GRAMD4: variants seen among roughly 807,000 people sequenced by gnomAD.
The protein encoded by GRAMD4 is GRAM domain-containing protein 4.
In GRAMD4, 25 loss-of-function variants were observed where a neutral mutation model predicts 83.9. The ratio of observed to expected loss-of-function variants is 0.30; its 90% CI spans 0.22 to 0.42. The LOEUF is 0.42. Among genes scored for constraint, GRAMD4 ranks in the 10% least tolerant of loss-of-function variants. The pLI, the probability that GRAMD4 is intolerant of heterozygous loss-of-function variation, is 1.00. For synonymous variants in GRAMD4, 336 were observed against 320.9 expected (o/e 1.05, Z -0.50); for missense variants, 593 against 788.7 (o/e 0.75, Z 2.97).
chr22:46,600,881 C>T (rs571180258), intron 1 of GRAMD4, among the ~76,000 whole-genome samples: 1 of 152,314 alleles, frequency 6.6e-6, no homozygotes, highest in East Asian at 1.9e-4. Flanking sequence ...TGCAGTGGCT[C>T]ATGCCTGTAA....
At chr22:46,611,787 G>A (rs909592339) in intron 1 of GRAMD4, among the ~76,000 whole-genome samples, 1 of 151,244 alleles carries the variant, frequency 6.6e-6, no homozygotes, top group Non-Finnish European at 1.5e-5. Flanking sequence ...TCAGGAGATC[G>A]AGACCATCCT....
intron 1 of GRAMD4, among the ~76,000 whole-genome samples, chr22:46,601,187 G>A (rs1362393252): frequency 6.6e-6 from 1 of 152,046 alleles, no homozygotes; most frequent in African/African-American, 2.4e-5. Context: ...TTAGTGAAGA[G>A]GGGTGCCGAC....
At chr22:46,604,535 A>G (rs1239546001) in intron 1 of GRAMD4, among the ~76,000 whole-genome samples, 2 of 152,130 alleles carry the variant, frequency 1.3e-5, no homozygotes, top group Non-Finnish European at 2.9e-5. Context: ...CTCCGCACCC[A>G]CAAAGCACTG....
chr22:46,590,587 G>A (rs879944400), intron 1 of GRAMD4, among the ~76,000 whole-genome samples: 5 of 152,254 alleles, frequency 3.3e-5, no homozygotes, highest in African/African-American at 7.2e-5. Context: ...CCTGGTAGAG[G>A]GGAATGGGAG....
At chr22:46,648,899 CATGGATGGATGGATGG>C (rs1188010701) in intron 3 of GRAMD4, among the ~76,000 whole-genome samples, 2 of 13,810 alleles carry the variant, frequency 1.4e-4, no homozygotes, top group East Asian at 2.6e-3. Flanking sequence ...TGGATGGATG[CATGGATGGATGGATGG>C]ATGGATGGAT....
At position 46,675,557 on chromosome 22, in the gene GRAMD4, G is replaced by A. The variant is rs781165787; in HGVS notation, c.1563+5G>A. On this transcript the variant is annotated splice_donor_5th_base_variant and intron_variant, in intron 17 of 18. Transcript: ENST00000406902. ...GACATCACGGACATCCAGAAGGTTG[G>A]TGCACCTACCCACCCCCACTAACCC... The A allele has an allele frequency of 1.3e-6, 2 of 1,591,120 alleles. No homozygotes were observed. Among genetic ancestry groups the A allele is most frequent in the Non-Finnish European group, 8.6e-7 (1 of 1,159,304 alleles).
chr22:46,655,305 C>G (rs1024055246), intron 3 of GRAMD4, among the ~76,000 whole-genome samples: 1 of 152,116 alleles, frequency 6.6e-6, no homozygotes, highest in Admixed American at 6.5e-5. Context: ...GAGCTTCAAG[C>G]TGGGAAGTTG....
rs184219319 is a variant in GRAMD4 at position 46,628,884 on chromosome 22, C to T, written c.162+1923C>T. On this transcript the variant is annotated intron_variant, in intron 2 of 18. Transcript: ENST00000406902. ...CTCCTGGGGGTGGCAGAGGGTATGG[C>T]GCTAGCGGTGTTGCTGGCGTCACAG... 1.4e-3 allele frequency among the ~76,000 whole-genome samples: 213 copies of T among 152,012 alleles called. 1 individual carries two copies. Among genetic ancestry groups the T allele is most frequent in the South Asian group, 0.01 (50 of 4,814 alleles).
chr22:46,674,050 C>G (rs1054816231), intron 15 of GRAMD4, among the ~76,000 whole-genome samples: 1 of 152,236 alleles, frequency 6.6e-6, no homozygotes, highest in African/African-American at 2.4e-5. Flanking sequence ...CTGCAGCACT[C>G]CCCTGACAGC....
intron 1 of GRAMD4, among the ~76,000 whole-genome samples, chr22:46,591,815 A>G (rs527345233): frequency 0.032 from 4,047 of 125,526 alleles, 93 homozygotes; most frequent in Non-Finnish European, 0.046. Flanking sequence ...CCTGGGTGAC[A>G]GAGCGAGACT....
intron 4 of GRAMD4, among the ~76,000 whole-genome samples, chr22:46,660,341 AAGG>A (rs1274329855): frequency 6.6e-6 from 1 of 152,062 alleles, no homozygotes; most frequent in Admixed American, 6.5e-5. Flanking sequence ...TGGAAGCCTG[AAGG>A]AGGAGGGGTG....
At chr22:46,670,815 A>G (rs1742935827) in intron 13 of GRAMD4, among the ~76,000 whole-genome samples, 1 of 152,078 alleles carries the variant, frequency 6.6e-6, no homozygotes, top group African/African-American at 2.4e-5. Flanking sequence ...CATGTTGGCC[A>G]GGCTGGTATT....
chr22:46,675,664 C>T (rs1480491047), intron 17 of GRAMD4, 112 bp downstream of exon 17: 9 of 748,742 alleles, frequency 1.2e-5, no homozygotes, highest in African/African-American at 8.8e-5. Flanking sequence ...ATCTGGGCGC[C>T]GCGGCCACGC....
chr22:46,643,141 T>TGGATCCATCTA (rs2082005534), intron 3 of GRAMD4, among the ~76,000 whole-genome samples: 2 of 4,524 alleles, frequency 4.4e-4, no homozygotes, highest in Admixed American at 3.0e-3. Flanking sequence ...CCATGCATCC[T>TGGATCCATCTA]TCCATCCATC....
intron 14 of GRAMD4, among the ~76,000 whole-genome samples, 161 bp from the exon 15 acceptor site, chr22:46,673,509 C>G (rs888914803): frequency 6.6e-6 from 1 of 152,246 alleles, no homozygotes; most frequent in Non-Finnish European, 1.5e-5. Flanking sequence ...GGTGAGGTGG[C>G]CCTGCCTGGA....
downstream of GRAMD4, among the ~76,000 whole-genome samples, chr22:46,681,821 A>G (rs1413998250): frequency 6.6e-6 from 1 of 152,238 alleles, no homozygotes; most frequent in Non-Finnish European, 1.5e-5. Context: ...AGGGCCTCAC[A>G]TGGACCAAAG....
intron 2 of GRAMD4, among the ~76,000 whole-genome samples, chr22:46,634,901 T>G (rs527938438): frequency 6.4e-4 from 97 of 151,530 alleles, no homozygotes; most frequent in African/African-American, 2.2e-3. Context: ...CGAGATCATG[T>G]CATTGCACTC....
Position 46,620,536 on chromosome 22 carries a change from T to C in GRAMD4, c.-79T>C. 1 of 969,628 alleles carries C rather than the reference T, an allele frequency of 1.0e-6. No individual in the cohort carries two copies. Among genetic ancestry groups the C allele is most frequent in the Non-Finnish European group, 1.2e-6 (1 of 825,920 alleles). The allele number at this position is 969,628 out of a possible 1,614,324, so 60.1% of individuals were successfully genotyped here. The stretch of plus-strand genomic sequence containing the variant: ...ACCTGAAGGAGCCACAGTGAAAGAG[T>C]GTTTCTGGATGTATCTGAGACAGAC... On this transcript the variant is annotated 5_prime_UTR_variant, in exon 1 of 19. Transcript: ENST00000406902. The surrounding 1 kb of genome is among the most constrained non-coding windows in gnomAD (Gnocchi z 4.7).
chr22:46,621,710 C>T lies in GRAMD4; in HGVS notation c.-50+1145C>T, dbSNP rs1179553775. Among the ~76,000 whole-genome samples the T allele has an allele frequency of 1.4e-5, 2 of 143,182 alleles. No homozygotes were observed. Among genetic ancestry groups the T allele is most frequent in the Non-Finnish European group, 3.0e-5 (2 of 65,958 alleles). 93.9% of individuals were successfully genotyped at this position (143,182 alleles called of 152,430 possible). ...ACAGGCTGGAGGCGTAGCCCGGGCC[C>T]GTCCCTGGCGCTGTGTCGCGGAGGG... On this transcript the variant is annotated intron_variant, in intron 1 of 18. Coordinates refer to ENST00000406902, the MANE Select transcript of GRAMD4 (RefSeq NM_015124.5). The surrounding 1 kb of genome is among the most constrained non-coding windows in gnomAD (Gnocchi z 5.8).
Sources: allele counts gnomAD v4.1 joint callset (sites outside exome capture counted in the v4.1 genomes callset), GRCh38; gene constraint gnomAD v4.1.1; non-coding constraint Gnocchi (gnomAD v3.1); transcripts MANE v1.5; gene names NCBI Gene and HGNC (gene_info 2026-07-23, HGNC 2026-07-21).